GLS: variants seen among roughly 807,000 people sequenced by gnomAD.
GLS encodes the protein glutaminase.
A neutral mutation model predicts 86.7 loss-of-function variants in GLS; 36 were observed. The ratio of observed to expected loss-of-function variants is 0.42; its 90% CI spans 0.32 to 0.55. The LOEUF (loss-of-function observed/expected upper bound fraction) is 0.55. Ranked by LOEUF, GLS falls within the 20% of genes least tolerant of loss-of-function variation. The pLI is 0.17. For synonymous variants in GLS, 317 were observed against 305.9 expected, an observed-to-expected ratio of 1.04 and a Z score of -0.38; for missense variants, 528 against 833.4, an observed-to-expected ratio of 0.63 and a Z score of 4.51.
At chr2:190,881,680 T>G in intron 1 of GLS, 7 of 485,682 alleles carry the variant, frequency 1.4e-5, no homozygotes, top group East Asian at 7.8e-5. Flanking sequence ...AGGCACCCAC[T>G]TCCCTTCTCC....
At chr2:190,893,674 C>T (rs1688637166) in intron 1 of GLS, among the ~76,000 whole-genome samples, 1 of 152,164 alleles carries the variant, frequency 6.6e-6, no homozygotes, top group Admixed American at 6.5e-5. Flanking sequence ...CAACCTCCAC[C>T]TCCCGGGTTC....
intron 1 of GLS, among the ~76,000 whole-genome samples, chr2:190,894,104 C>A (rs1017510146): frequency 1.3e-5 from 2 of 152,040 alleles, no homozygotes; most frequent in African/African-American, 2.4e-5. Flanking sequence ...TAACGTTTTT[C>A]TTTTAATAGT....
chr2:190,891,468 TAA>T (rs747523727), intron 1 of GLS, among the ~76,000 whole-genome samples: 2 of 143,532 alleles, frequency 1.4e-5, no homozygotes, highest in African/African-American at 2.6e-5. Context: ...CATGATAGGT[TAA>T]AAAAAAAAAA....
At chr2:190,957,455 G>A (rs1317178204) in intron 17 of GLS, among the ~76,000 whole-genome samples, 1 of 152,208 alleles carries the variant, frequency 6.6e-6, no homozygotes, top group Non-Finnish European at 1.5e-5. Context: ...TTGAATAGGA[G>A]TGGTCACAGA....
chr2:190,881,672 G>A, intron 1 of GLS: 1 of 516,528 alleles, frequency 1.9e-6, no homozygotes, highest in Non-Finnish European at 3.3e-6. Context: ...CCTCCGCCAG[G>A]CACCCACTTC....
At chr2:190,919,049 A>G (rs554215540) in intron 7 of GLS, among the ~76,000 whole-genome samples, 1 of 146,836 alleles carries the variant, frequency 6.8e-6, no homozygotes, top group South Asian at 2.1e-4. Context: ...GAGACACAAA[A>G]TGAGCACATA....
At chr2:190,882,554 A>C (rs1688239660) in intron 1 of GLS, among the ~76,000 whole-genome samples, 1 of 152,186 alleles carries the variant, frequency 6.6e-6, no homozygotes, top group South Asian at 2.1e-4. Context: ...TTCCAGCTCT[A>C]GAGTTCCTTA....
In GLS at chr2:190,963,872, G is replaced by A. The variant is rs999132409; in HGVS notation, c.*886G>A. On this transcript the variant is annotated 3_prime_UTR_variant, in exon 18 of 18. Transcript: ENST00000320717. ...AGTCAAGTTTATCAGTCTAAAAAAC[G>A]AAGGGATGTGCAACTGCAGCTCTTT... 2.0e-5 allele frequency: 3 copies of A among 151,976 alleles called. No homozygotes were observed. The highest frequency in any genetic ancestry group is 2.0e-4 in the Admixed American group (3 of 15,238). 9.4% of individuals were successfully genotyped at this position (151,976 alleles called of 1,614,324 possible).
At chr2:190,917,193 G>T (rs562860701) in intron 7 of GLS, among the ~76,000 whole-genome samples, 15 of 152,322 alleles carry the variant, frequency 9.8e-5, no homozygotes, top group South Asian at 4.1e-4. Context: ...TATGAACTAA[G>T]TTTATGGAAT....
chr2:190,944,019 A>G (rs923949940), intron 14 of GLS, among the ~76,000 whole-genome samples: 2 of 152,202 alleles, frequency 1.3e-5, no homozygotes, highest in African/African-American at 4.8e-5. Context: ...GCTAAGAGAA[A>G]TAGGACCTTA....
At position 190,920,027 on chromosome 2, in the gene GLS, C is replaced by G. The variant is rs917702839; in HGVS notation, c.1039-997C>G. ...CCTGGCTTTATTCAATTAAATAATT[C>G]TCTGGTACAGGTTTTCCTCCCATAA... On this transcript the variant is annotated intron_variant, in intron 7 of 17. Coordinates refer to ENST00000320717, the MANE Select transcript of GLS (RefSeq NM_014905.5). The surrounding 1 kb of genome is among the most constrained non-coding windows in gnomAD (Gnocchi z 4.2). 6.6e-6 allele frequency: 1 copy of G among 151,862 alleles called. No homozygotes were observed. Among genetic ancestry groups the G allele is most frequent in the East Asian group, 1.9e-4 (1 of 5,200 alleles). 9.4% of individuals were successfully genotyped at this position (151,862 alleles called of 1,614,324 possible).
At chr2:190,919,129 A>AT (rs891030554) in intron 7 of GLS, among the ~76,000 whole-genome samples, 1 of 152,174 alleles carries the variant, frequency 6.6e-6, no homozygotes, top group African/African-American at 2.4e-5. Context: ...TTCTTAAAAA[A>AT]TGCACTATCT....
rs535220235 is a variant in GLS at position 190,926,556 on chromosome 2, A to G, written c.1249-750A>G. On this transcript the variant is annotated intron_variant, in intron 11 of 17. Coordinates refer to ENST00000320717, the MANE Select transcript of GLS (RefSeq NM_014905.5). ...CCCAATTTTGCTTACTATTAGCTAA[A>G]AATAAAATGTGGAAAAATTTATTTT... 1.4e-3 allele frequency among the ~76,000 whole-genome samples: 220 copies of G among 152,320 alleles called. No homozygotes were observed. The South Asian group carries it at 0.017, about 11-fold the overall frequency.
chr2:190,946,618 A>C (rs1314798463), intron 14 of GLS, among the ~76,000 whole-genome samples: 2 of 136,690 alleles, frequency 1.5e-5, no homozygotes, highest in African/African-American at 4.9e-5. Flanking sequence ...TAATGGAGTT[A>C]GAAATTAAAT....
intron 12 of GLS, 78 bp downstream of exon 12, chr2:190,927,560 T>G (rs1175424273): frequency 9.8e-7 from 1 of 1,023,676 alleles, no homozygotes; most frequent in African/African-American, 1.7e-5. Context: ...AGTTTGAACT[T>G]TGCTTCTAAA....
chr2:190,923,110 T>C (rs1689797774), intron 9 of GLS, among the ~76,000 whole-genome samples: 1 of 152,226 alleles, frequency 6.6e-6, no homozygotes, highest in South Asian at 2.1e-4. Context: ...TTTGTAGCTC[T>C]CATTACAGTA....
chr2:190,901,281 A>G (rs1372293698), intron 4 of GLS, among the ~76,000 whole-genome samples: 1 of 152,108 alleles, frequency 6.6e-6, no homozygotes, highest in Non-Finnish European at 1.5e-5. Flanking sequence ...TATATTTATT[A>G]TATACCGAAT....
chr2:190,880,918 G>GCAGCAGCAGCAGCAC lies in GLS; in HGVS notation c.-165_-164insGCAGCAGCAGCACCA, dbSNP rs1209579567. 6.8e-6 allele frequency: 6 copies of GCAGCAGCAGCAGCAC among 882,478 alleles called. No individual in the cohort carries two copies. Among genetic ancestry groups the GCAGCAGCAGCAGCAC allele is most frequent in the African/African-American group, 3.6e-5 (2 of 55,422 alleles). The allele number at this position is 882,478 out of a possible 1,614,324, so 54.7% of individuals were successfully genotyped here. A position where few individuals can be genotyped will look rare whatever the true frequency, so the allele number is the denominator to read the frequency against. The stretch of plus-strand genomic sequence containing the variant: ...AGCAGCAGCAGCAGCAGCAGCAGCA[G>GCAGCAGCAGCAGCAC]CACCCGCATCCGCTGCGGGAGTCCG... On this transcript the variant is annotated 5_prime_UTR_variant, in exon 1 of 18. Coordinates refer to ENST00000320717, the MANE Select transcript of GLS (RefSeq NM_014905.5).
At chr2:190,892,073 T>A (rs1688582188) in intron 1 of GLS, among the ~76,000 whole-genome samples, 1 of 152,052 alleles carries the variant, frequency 6.6e-6, no homozygotes, top group South Asian at 2.1e-4. Context: ...AATTCCTCAT[T>A]TTATGTACAT....
Sources: allele counts gnomAD v4.1 joint callset (sites outside exome capture counted in the v4.1 genomes callset), GRCh38; gene constraint gnomAD v4.1.1; non-coding constraint Gnocchi (gnomAD v3.1); transcripts MANE v1.5; gene names NCBI Gene and HGNC (gene_info 2026-07-23, HGNC 2026-07-21).